BRSK1: variants seen among roughly 807,000 people sequenced by gnomAD.
The protein encoded by BRSK1 is BR serine/threonine kinase 1.
BRSK1 carries 17 observed loss-of-function variants against 86.2 expected under a neutral mutation model. That is an observed-to-expected ratio of 0.20 (90% confidence interval 0.14 to 0.30). The LOEUF is 0.30. Ranked by LOEUF, BRSK1 falls within the 10% of genes least tolerant of loss-of-function variation. BRSK1 has a pLI of 1.00. For missense variants in BRSK1, 719 were observed against 1,071.9 expected (o/e 0.67, Z 4.60); for synonymous variants, 464 against 440.1 (o/e 1.05, Z -0.68).
chr19:55,308,489 G>A (rs1600195020), intron 17 of BRSK1, 150 bp from the exon 18 acceptor site: 3 of 653,882 alleles, frequency 4.6e-6, no homozygotes, highest in Admixed American at 2.1e-5. Flanking sequence ...TTTGCAAACC[G>A]TGGATTGATG....
At chr19:55,300,556 A>T (rs1389560372) in intron 7 of BRSK1, among the ~76,000 whole-genome samples, 1 of 151,172 alleles carries the variant, frequency 6.6e-6, no homozygotes, top group African/African-American at 2.4e-5. Flanking sequence ...TACAAAAATT[A>T]GGCTGGGTGT....
chr19:55,285,760 C>T (rs758716970), intron 1 of BRSK1, among the ~76,000 whole-genome samples: 4 of 152,116 alleles, frequency 2.6e-5, no homozygotes, highest in Admixed American at 6.5e-5. Context: ...GGGAGCTGAA[C>T]GCCCAGAGTC....
Position 55,303,734 on chromosome 19 carries a change from G to A in BRSK1, c.1194G>A (p.Lys398=), listed in dbSNP as rs1236186655. The part of the protein sequence containing the change: ...SRHGKRRPER[K]SMEVLSITDA... ...ACGGGAAGCGGCGACCAGAGCGGAA[G>A]TCCATGGAAGTCCTGAGCATCACCG... is the stretch of plus-strand genomic sequence containing the variant. Residue 398 remains lysine (K), a synonymous_variant, in exon 12 of 19, where the codon AAG becomes AAA. Coordinates refer to ENST00000309383, the MANE Select transcript of BRSK1 (RefSeq NM_032430.2). This position sits in a 1 kb window ranked among gnomAD's most constrained non-coding sequence, Gnocchi z 5.1. 6.2e-7 allele frequency: 1 copy of A among 1,613,854 alleles called. No individual in the cohort carries two copies. The highest frequency in any genetic ancestry group is 1.7e-5 in the Admixed American group (1 of 59,928).
chr19:55,293,968 G>A (rs777915161), intron 4 of BRSK1, 49 bp from the exon 5 acceptor site: 6 of 1,530,108 alleles, frequency 3.9e-6, no homozygotes, highest in African/African-American at 1.4e-5. Flanking sequence ...GTGGGGCCTG[G>A]GCCTCCTGGG....
rs775330005 is a variant in BRSK1 at position 55,304,060 on chromosome 19, G to A, written c.1297G>A (p.Val433Ile). The A allele has an allele frequency of 1.2e-5, 20 of 1,611,312 alleles. No homozygotes were observed. Among genetic ancestry groups the A allele is most frequent in the African/African-American group, 4.0e-5 (3 of 74,692 alleles). ...CTATCCTGGAAACAGATCCCGTAGCGTCAGTGGAGCCTCCACGGGTCTGTC... is the reference window on the plus strand; with the variant it reads ...CTATCCTGGAAACAGATCCCGTAGCATCAGTGGAGCCTCCACGGGTCTGTC... The part of the protein sequence containing the change: ...MAQHSQRSRS[V>I]SGASTGLSSS... Residue 433 changes from valine to isoleucine, a missense_variant, in exon 13 of 19, where the codon GTC becomes ATC. Val to Ile is a conservative substitution (Grantham distance 29, BLOSUM62 3). Transcript: ENST00000309383. The surrounding 1 kb of genome is among the most constrained non-coding windows in gnomAD (Gnocchi z 5.2).
In BRSK1 at chr19:55,287,910, G is replaced by T. The variant is rs1049325763; in HGVS notation, c.317+611G>T. ...CAAAGGACAGCTGGGCTGGGAAGCC[G>T]GAGAGGGGACAGCCCTCGTGTTCCC... On this transcript the variant is annotated intron_variant, in intron 3 of 18. Coordinates refer to ENST00000309383, the MANE Select transcript of BRSK1 (RefSeq NM_032430.2). The surrounding 1 kb of genome is among the most constrained non-coding windows in gnomAD (Gnocchi z 5.3). The T allele has an allele frequency of 6.4e-6, 1 of 156,758 alleles. No homozygotes were observed. Among genetic ancestry groups the T allele is most frequent in the African/African-American group, 2.4e-5 (1 of 41,510 alleles). 9.7% of individuals were successfully genotyped at this position (156,758 alleles called of 1,614,324 possible). A position where few individuals can be genotyped will look rare whatever the true frequency, so the allele number is the denominator to read the frequency against.
rs1434040119 is a variant in BRSK1, at chr19:55,302,466, G to A, written c.858-231G>A. 1.6e-6 allele frequency: 1 copy of A among 628,398 alleles called. No individual in the cohort carries two copies. 38.9% of individuals were successfully genotyped at this position (628,398 alleles called of 1,614,324 possible). A position where few individuals can be genotyped will look rare whatever the true frequency, so the allele number is the denominator to read the frequency against. ...GGGGGCCTGGACTTCTGGGTCTGAA[G>A]AAGGAGGGGCCGGGGGCCTGGACCC... On this transcript the variant is annotated intron_variant, in intron 9 of 18. Coordinates refer to ENST00000309383, the MANE Select transcript of BRSK1 (RefSeq NM_032430.2). This position sits in a 1 kb window ranked among gnomAD's most constrained non-coding sequence, Gnocchi z 6.3.
chr19:55,306,216 T>G lies in BRSK1; in HGVS notation c.1891-36T>G, dbSNP rs190667453. On this transcript the variant is annotated intron_variant, in intron 16 of 18. Transcript: ENST00000309383. This position sits in a 1 kb window ranked among gnomAD's most constrained non-coding sequence, Gnocchi z 4.7. Reference sequence around the variant, plus strand: ...GTCGTGGGGCTGGGTATCCATTTCCTGGGCTCACCCCTTCCTGTGTTCCTA... The same window carrying G: ...GTCGTGGGGCTGGGTATCCATTTCCGGGGCTCACCCCTTCCTGTGTTCCTA... 6.2e-7 allele frequency: 1 copy of G among 1,608,136 alleles called. No individual in the cohort carries two copies. The highest frequency in any genetic ancestry group is 1.1e-5 in the South Asian group (1 of 90,982).
chr19:55,297,269 G>A (rs2088502868), intron 7 of BRSK1, among the ~76,000 whole-genome samples: 1 of 151,788 alleles, frequency 6.6e-6, no homozygotes, highest in South Asian at 2.1e-4. Flanking sequence ...TAGACATGGG[G>A]TTTCACCATT....
At chr19:55,295,843 C>T (rs890331721) in intron 7 of BRSK1, among the ~76,000 whole-genome samples, 4 of 152,176 alleles carry the variant, frequency 2.6e-5, no homozygotes, top group African/African-American at 4.8e-5. Flanking sequence ...GTGGCGCATG[C>T]CTGTAGTCCC....
At chr19:55,292,084 T>C (rs970934669) in intron 4 of BRSK1, among the ~76,000 whole-genome samples, 13 of 152,246 alleles carry the variant, frequency 8.5e-5, no homozygotes, top group Middle Eastern at 6.8e-3. Context: ...CACACCTTCC[T>C]GTTGACAAGA....
Position 55,287,062 on chromosome 19 carries a change from C to T in BRSK1, c.192C>T (p.Ile64=), listed in dbSNP as rs141208516. The part of the protein sequence containing the change: ...CITGQKVAIK[I]VNREKLSESV... ...CGGGTCAGAAGGTCGCCATCAAGATCGTGAACCGGGAGAAGCTGTCGGAGT... is the reference window on the plus strand; with the variant it reads ...CGGGTCAGAAGGTCGCCATCAAGATTGTGAACCGGGAGAAGCTGTCGGAGT... Residue 64 remains isoleucine (I), a synonymous_variant, in exon 2 of 19, where the codon ATC becomes ATT. Transcript: ENST00000309383. The surrounding 1 kb of genome is among the most constrained non-coding windows in gnomAD (Gnocchi z 5.3). 34 of 1,612,562 alleles carry T rather than the reference C, an allele frequency of 2.1e-5. 1 individual carries two copies. Among genetic ancestry groups the T allele is most frequent in the Middle Eastern group, 1.6e-4 (1 of 6,072 alleles).
chr19:55,284,489 A>ACCAAC lies in BRSK1; in HGVS notation c.49_50insAACCC (p.Leu17GlnfsTer51). 2.4e-5 allele frequency: 18 copies of ACCAAC among 764,792 alleles called. No individual in the cohort carries two copies. Among genetic ancestry groups the ACCAAC allele is most frequent in the East Asian group, 3.4e-5 (1 of 29,538 alleles). The allele number at this position is 764,792 out of a possible 1,614,324, so 47.4% of individuals were successfully genotyped here. A position where few individuals can be genotyped will look rare whatever the true frequency, so the allele number is the denominator to read the frequency against. On this transcript the variant is annotated frameshift_variant, in exon 1 of 19. Transcript: ENST00000309383. LOFTEE classifies it high-confidence loss of function. ...GGAGGTGGGGGCTCTCCCGCCTACC[A>ACCAAC]CCTCCCCCACCCCCACCCCCACCCA...
At position 55,284,520 on chromosome 19, in the gene BRSK1, G is replaced by A; in HGVS notation, c.78G>A (p.Gln26=). The A allele has an allele frequency of 1.8e-6, 1 of 543,974 alleles. No individual in the cohort carries two copies. The highest frequency in any genetic ancestry group is 2.6e-6 in the Non-Finnish European group (1 of 378,088). 33.7% of individuals were successfully genotyped at this position (543,974 alleles called of 1,614,324 possible). A position where few individuals can be genotyped will look rare whatever the true frequency, so the allele number is the denominator to read the frequency against. ...CCCACCCCCACCCCCACCCACCCCAGCACGCCCAATATGTGGGCCCCTATC... is the reference window on the plus strand; with the variant it reads ...CCCACCCCCACCCCCACCCACCCCAACACGCCCAATATGTGGGCCCCTATC... The part of the protein sequence containing the change: ...HLPHPHPHPP[Q]HAQYVGPYRL... Residue 26 remains glutamine, a synonymous_variant, in exon 1 of 19, where the codon CAG becomes CAA. Transcript: ENST00000309383.
chr19:55,294,162 T>C lies in BRSK1; in HGVS notation c.575+29T>C. ...AGTGGGGACTGGGCTCCCGAGACCC[T>C]GGGCAGGGGTTTAGAAGCTGGCTGG... On this transcript the variant is annotated intron_variant, in intron 5 of 18. Coordinates refer to ENST00000309383, the MANE Select transcript of BRSK1 (RefSeq NM_032430.2). The surrounding 1 kb of genome is among the most constrained non-coding windows in gnomAD (Gnocchi z 4.9). 6.2e-7 allele frequency: 1 copy of C among 1,610,848 alleles called. No homozygotes were observed.
Position 55,303,394 on chromosome 19 carries a change from C to A in BRSK1, c.1112C>A (p.Pro371His). The part of the protein sequence containing the change: ...YPSCEDQDLP[P>H]RNDVDPPRKR... ...AGCTGTGAGGACCAGGACCTGCCTC[C>A]CCGGAATGATGTTGGTGAGAAGGCA... The change falls in exon 11 of 19, where the codon CCC becomes CAC. Residue 371 changes from proline to histidine, a missense_variant. Coordinates refer to ENST00000309383, the MANE Select transcript of BRSK1 (RefSeq NM_032430.2). The surrounding 1 kb of genome is among the most constrained non-coding windows in gnomAD (Gnocchi z 5.1). 6.2e-7 allele frequency: 1 copy of A among 1,613,822 alleles called. No homozygotes were observed. The highest frequency in any genetic ancestry group is 8.5e-7 in the Non-Finnish European group (1 of 1,179,854).
intron 1 of BRSK1, among the ~76,000 whole-genome samples, chr19:55,285,949 G>A (rs892573134): frequency 3.3e-5 from 5 of 151,304 alleles, no homozygotes; most frequent in Non-Finnish European, 5.9e-5. Context: ...ACCTGGACTG[G>A]GTCTGAGGGA....
At chr19:55,311,819 G>C in intron 18 of BRSK1, 92 bp from the exon 19 acceptor site, 1 of 1,370,938 alleles carries the variant, frequency 7.3e-7, no homozygotes, top group Non-Finnish European at 1.0e-6. Context: ...TACTGAGACC[G>C]ACTGATGAGG....
In BRSK1 at chr19:55,305,535, G is replaced by A; in HGVS notation, c.1839G>A (p.Lys613=). 2 of 1,614,220 alleles carry A rather than the reference G, an allele frequency of 1.2e-6. No individual in the cohort carries two copies. The highest frequency in any genetic ancestry group is 1.7e-6 in the Non-Finnish European group (2 of 1,180,034). ...DKEEQIFLVL[K]DKPLSSIKAD... is the part of the protein sequence containing the mutation. ...AAGAACAAATATTCCTCGTGCTAAA[G>A]GACAAACCTCTCAGCAGCATCAAAG... Residue 613 remains lysine (K), a synonymous_variant, in exon 16 of 19, where the codon AAG becomes AAA. Transcript: ENST00000309383.
Sources: gnomAD v4.1 joint callset for allele counts (sites outside exome capture counted in the v4.1 genomes callset) on GRCh38, gnomAD v4.1.1 for gene constraint, Gnocchi (gnomAD v3.1) non-coding constraint, MANE v1.5 for transcripts, NCBI Gene and HGNC (gene_info 2026-07-23, HGNC 2026-07-21) for gene names.